CPNE8: variants seen among roughly 807,000 people sequenced by gnomAD.
The protein encoded by CPNE8 is copine 8, also known as copine-8.
CPNE8 carries 45 observed loss-of-function variants against 81.5 expected under a neutral mutation model. The ratio of observed to expected loss-of-function variants is 0.55; its 90% CI spans 0.44 to 0.71. CPNE8 has a LOEUF of 0.71. Among genes scored for constraint, CPNE8 ranks in the 30% least tolerant of loss-of-function variants. CPNE8 has a pLI of 0.00. For missense variants in CPNE8, 594 were observed against 672.1 expected (o/e 0.88, Z 1.28); for synonymous variants, 252 against 226.3 (o/e 1.11, Z -1.02).
intron 10 of CPNE8, among the ~76,000 whole-genome samples, chr12:38,732,009 TCTATTAGAGCA>T (rs1940842774): frequency 6.6e-6 from 1 of 151,788 alleles, no homozygotes; most frequent in Admixed American, 6.6e-5. Flanking sequence ...GATAAAAGGT[TCTATTAGAGCA>T]CTTCAAACAC....
intron 6 of CPNE8, among the ~76,000 whole-genome samples, chr12:38,816,938 C>A (rs1316312925): frequency 6.6e-6 from 1 of 152,206 alleles, no homozygotes; most frequent in Non-Finnish European, 1.5e-5. Context: ...GTTCTCAGGG[C>A]AGCCTGATGC....
In CPNE8 at chr12:38,841,315, G is replaced by A. The variant is rs867874192; in HGVS notation, c.291-1360C>T. 1.4e-4 allele frequency among the ~76,000 whole-genome samples: 21 copies of A among 152,190 alleles called. No homozygotes were observed. The Middle Eastern group carries it at 0.014, about 99-fold the overall frequency. ...CACACAGAGCCACTCTATAGAGATC[G>A]AATTTCTTGCCTCACCTTCTCTTTT... On this transcript the variant is annotated intron_variant, in intron 4 of 19. Coordinates refer to ENST00000331366, the MANE Select transcript of CPNE8 (RefSeq NM_153634.3).
Position 38,725,848 on chromosome 12 carries a change from G to A in CPNE8, c.799-949C>T, listed in dbSNP as rs11169271. ...AGGGAGTTTGGGTGTTAATTTAGTT[G>A]ATGTTTAAATAGGAGAATGATATAA... On this transcript the variant is annotated intron_variant, in intron 11 of 19. Transcript: ENST00000331366. Among the ~76,000 whole-genome samples, 496 of 152,120 alleles carry A rather than the reference G, an allele frequency of 3.3e-3. 3 individuals carry two copies. Among genetic ancestry groups the A allele is most frequent in the African/African-American group, 0.012 (479 of 41,494 alleles).
In CPNE8 at chr12:38,789,699, G is replaced by A. The variant is rs188162662; in HGVS notation, c.408-13398C>T. On this transcript the variant is annotated intron_variant, in intron 6 of 19. Transcript: ENST00000331366. Reference sequence around the variant, plus strand: ...GAAAATATTTGCAAACCACCCATCTGACAAGGGATTCATAATCAGAATACA... The same window carrying A: ...GAAAATATTTGCAAACCACCCATCTAACAAGGGATTCATAATCAGAATACA... Among the ~76,000 whole-genome samples, 378 of 151,898 alleles carry A rather than the reference G, an allele frequency of 2.5e-3. 8 individuals are homozygous for A. The highest frequency in any genetic ancestry group is 0.024 in the Admixed American group (365 of 15,246).
intron 3 of CPNE8, among the ~76,000 whole-genome samples, chr12:38,867,983 T>C (rs1178321079): frequency 6.6e-6 from 1 of 152,190 alleles, no homozygotes; most frequent in Non-Finnish European, 1.5e-5. Flanking sequence ...AATTTTATAT[T>C]TATTTGGAGC....
intron 6 of CPNE8, among the ~76,000 whole-genome samples, chr12:38,788,783 T>A (rs1248613485): frequency 6.6e-6 from 1 of 151,694 alleles, no homozygotes; most frequent in Non-Finnish European, 1.5e-5. Flanking sequence ...AAAATCAACG[T>A]AAAAATCAGT....
chr12:38,811,228 C>A (rs1318765403), intron 6 of CPNE8, among the ~76,000 whole-genome samples: 1 of 147,508 alleles, frequency 6.8e-6, no homozygotes, highest in Non-Finnish European at 1.5e-5. Flanking sequence ...TAAAAAAAAA[C>A]CTAAAAACTA....
intron 6 of CPNE8, among the ~76,000 whole-genome samples, chr12:38,791,253 T>C (rs1942315474): frequency 1.3e-5 from 2 of 151,820 alleles, no homozygotes; most frequent in South Asian, 4.1e-4. Flanking sequence ...ACCTAGAATA[T>C]TTACCCTACC....
At chr12:38,840,657 G>C (rs1377935744) in intron 4 of CPNE8, among the ~76,000 whole-genome samples, 1 of 151,920 alleles carries the variant, frequency 6.6e-6, no homozygotes, top group Non-Finnish European at 1.5e-5. Flanking sequence ...TGTTAAATTG[G>C]CTGCAGTAAT....
intron 3 of CPNE8, among the ~76,000 whole-genome samples, chr12:38,864,735 T>C (rs957160270): frequency 1.3e-5 from 2 of 152,074 alleles, no homozygotes; most frequent in Non-Finnish European, 2.9e-5. Flanking sequence ...GGTAACACAA[T>C]AAAACTTCTA....
At chr12:38,891,222 C>T (rs529748363) in intron 1 of CPNE8, among the ~76,000 whole-genome samples, 8 of 152,136 alleles carry the variant, frequency 5.3e-5, no homozygotes, top group East Asian at 1.9e-4. Context: ...TGAGCCACTG[C>T]GCCTGGCCAA....
intron 8 of CPNE8, among the ~76,000 whole-genome samples, chr12:38,764,668 G>A (rs1326445192): frequency 6.6e-6 from 1 of 151,038 alleles, no homozygotes; most frequent in Non-Finnish European, 1.5e-5. Flanking sequence ...AAATTACAGA[G>A]GGAAGGCAGA....
intron 4 of CPNE8, among the ~76,000 whole-genome samples, chr12:38,841,722 C>G (rs933979226): frequency 1.3e-5 from 2 of 151,998 alleles, no homozygotes; most frequent in Non-Finnish European, 2.9e-5. Context: ...AGTAAATGAA[C>G]CAAAACTGGC....
chr12:38,797,722 A>G (rs1382222090), intron 6 of CPNE8, among the ~76,000 whole-genome samples: 1 of 152,204 alleles, frequency 6.6e-6, no homozygotes, highest in Non-Finnish European at 1.5e-5. Context: ...GAGTAGAGAG[A>G]GGAAGGCTTC....
intron 6 of CPNE8, among the ~76,000 whole-genome samples, chr12:38,808,303 C>T (rs910976918): frequency 8.6e-5 from 13 of 151,910 alleles, no homozygotes; most frequent in African/African-American, 1.7e-4. Context: ...CACATGCACA[C>T]GTATGTTTAT....
intron 1 of CPNE8, among the ~76,000 whole-genome samples, chr12:38,897,938 A>C (rs1944411118): frequency 1.3e-5 from 2 of 152,176 alleles, no homozygotes; most frequent in Non-Finnish European, 2.9e-5. Flanking sequence ...ACTGAGGAAC[A>C]GATGTTTCAA....
At chr12:38,796,899 G>A (rs576733427) in intron 6 of CPNE8, among the ~76,000 whole-genome samples, 105 of 152,208 alleles carry the variant, frequency 6.9e-4, no homozygotes, top group African/African-American at 2.5e-3. Context: ...ATTATATCCC[G>A]CACATGGCTC....
chr12:38,707,408 T>C (rs1940134213), intron 13 of CPNE8, among the ~76,000 whole-genome samples: 1 of 151,978 alleles, frequency 6.6e-6, no homozygotes, highest in Non-Finnish European at 1.5e-5. Context: ...GTAGACTATG[T>C]ACAATAAAAC....
At chr12:38,874,221 G>C (rs1944034263) in intron 2 of CPNE8, among the ~76,000 whole-genome samples, 1 of 152,084 alleles carries the variant, frequency 6.6e-6, no homozygotes, top group Non-Finnish European at 1.5e-5. Flanking sequence ...AATGGCCATA[G>C]TACGAGGTTT....
Sources: allele counts gnomAD v4.1 joint callset (sites outside exome capture counted in the v4.1 genomes callset), GRCh38; gene constraint gnomAD v4.1.1; transcripts MANE v1.5; gene names NCBI Gene and HGNC (gene_info 2026-07-23, HGNC 2026-07-21).